Variants in XXYLT1 observed in about 807,000 individuals in gnomAD.
XXYLT1 encodes xyloside xylosyltransferase 1.
XXYLT1 carries 20 observed loss-of-function variants against 28.9 expected under a neutral mutation model. The ratio of observed to expected loss-of-function variants is 0.69; its 90% CI spans 0.49 to 1.00. The LOEUF (loss-of-function observed/expected upper bound fraction) is 1.00. Ranked by LOEUF, XXYLT1 falls within the 50% of genes least tolerant of loss-of-function variation. The pLI is 0.00. For synonymous variants in XXYLT1, 257 were observed against 253.8 expected, an observed-to-expected ratio of 1.01 and a Z score of -0.12; for missense variants, 542 against 560.1, an observed-to-expected ratio of 0.97 and a Z score of 0.33.
At position 195,081,757 on chromosome 3, in the gene XXYLT1, C is replaced by T. The variant is rs941745570; in HGVS notation, c.786-11646G>A. ...AGGAAAGCCACAATGTCAAGTTCAG[C>T]GAGCAGCAGTGCAGATTCTCAATGC... On this transcript the variant is annotated intron_variant, in intron 3 of 3. Coordinates refer to ENST00000310380, the MANE Select transcript of XXYLT1 (RefSeq NM_152531.5). Among the ~76,000 whole-genome samples, 35 of 152,308 alleles carry T rather than the reference C, an allele frequency of 2.3e-4. No homozygotes were observed. In the Middle Eastern group the frequency reaches 0.017, roughly 74 times the overall value.
rs905209648 is a variant in XXYLT1, at chr3:195,270,412, G to A, written c.504+143C>T. On this transcript the variant is annotated intron_variant, in intron 1 of 3. Coordinates refer to ENST00000310380, the MANE Select transcript of XXYLT1 (RefSeq NM_152531.5). ...ACGCCCCCGAACGAGCCCTCCCGCA[G>A]GTTGTGAACACTACATTGCAAGCGG... 8.8e-5 allele frequency: 117 copies of A among 1,333,194 alleles called. No homozygotes were observed. In the East Asian group the frequency reaches 3.5e-3, roughly 40 times the overall value. 82.6% of individuals were successfully genotyped at this position (1,333,194 alleles called of 1,614,324 possible).
At chr3:195,134,460 C>T (rs921981375) in intron 3 of XXYLT1, 2 of 153,854 alleles carry the variant, frequency 1.3e-5, no homozygotes, top group African/African-American at 4.8e-5. Flanking sequence ...CAAATATTTA[C>T]CCCTGTGTTA....
At chr3:195,224,388 C>T (rs1238822536) in intron 2 of XXYLT1, among the ~76,000 whole-genome samples, 1 of 152,168 alleles carries the variant, frequency 6.6e-6, no homozygotes, top group Admixed American at 6.5e-5. Context: ...GACATCACTG[C>T]CCCCCTGAGC....
At chr3:195,172,468 A>G (rs1049051933) in intron 2 of XXYLT1, among the ~76,000 whole-genome samples, 2 of 152,198 alleles carry the variant, frequency 1.3e-5, no homozygotes, top group Admixed American at 1.3e-4. Context: ...GCCAGCAACA[A>G]CACACTGCAA....
chr3:195,190,652 T>G (rs1396591158), intron 2 of XXYLT1, among the ~76,000 whole-genome samples: 2 of 152,088 alleles, frequency 1.3e-5, no homozygotes, highest in Non-Finnish European at 2.9e-5. Flanking sequence ...TTCTCATTTC[T>G]TAACTTTTTA....
chr3:195,140,876 C>T (rs965831755), intron 3 of XXYLT1, among the ~76,000 whole-genome samples: 12 of 152,252 alleles, frequency 7.9e-5, no homozygotes, highest in African/African-American at 2.9e-4. Context: ...ACCATATCAA[C>T]GTCCTAACCT....
intron 3 of XXYLT1, among the ~76,000 whole-genome samples, chr3:195,079,869 G>A (rs981580376): frequency 6.6e-6 from 1 of 152,178 alleles, no homozygotes; most frequent in Admixed American, 6.5e-5. Context: ...GGCAAATAAA[G>A]GGTGAGGGTG....
chr3:195,079,260 G>A (rs1410850182), intron 3 of XXYLT1, among the ~76,000 whole-genome samples: 1 of 152,186 alleles, frequency 6.6e-6, no homozygotes, highest in Non-Finnish European at 1.5e-5. Context: ...TGGCCCTGGG[G>A]AGCGTATGAA....
At position 195,255,099 on chromosome 3, in the gene XXYLT1, A is replaced by G. The variant is rs961808653; in HGVS notation, c.504+15456T>C. ...ACCAGCACTGCGGACAGAGCAGGGG[A>G]TAACAGCAGCATCAGAAAGACCCAT... On this transcript the variant is annotated intron_variant, in intron 1 of 3. Transcript: ENST00000310380. This position sits in a 1 kb window ranked among gnomAD's most constrained non-coding sequence, Gnocchi z 4.5. Among the ~76,000 whole-genome samples the G allele has an allele frequency of 4.6e-5, 7 of 152,326 alleles. No individual in the cohort carries two copies. Among genetic ancestry groups the G allele is most frequent in the Non-Finnish European group, 5.9e-5 (4 of 68,030 alleles).
intron 1 of XXYLT1, among the ~76,000 whole-genome samples, chr3:195,230,336 T>C (rs1314129618): frequency 1.3e-5 from 2 of 152,254 alleles, no homozygotes; most frequent in Admixed American, 6.5e-5. Flanking sequence ...CTCTGGGCTC[T>C]CTCTTCACTT....
chr3:195,225,054 C>G (rs1246459209), intron 2 of XXYLT1, among the ~76,000 whole-genome samples: 1 of 152,216 alleles, frequency 6.6e-6, no homozygotes, highest in African/African-American at 2.4e-5. Context: ...GGAGAAGCAG[C>G]TTCCAACCCT....
intron 1 of XXYLT1, among the ~76,000 whole-genome samples, chr3:195,250,718 C>T (rs1221646516): frequency 6.6e-6 from 1 of 152,134 alleles, no homozygotes; most frequent in Non-Finnish European, 1.5e-5. Flanking sequence ...TTTTATGAAC[C>T]CCTACTTCAC....
intron 2 of XXYLT1, among the ~76,000 whole-genome samples, chr3:195,225,337 TGCAAAGTCCCA>T (rs1724003257): frequency 1.3e-5 from 2 of 152,162 alleles, no homozygotes. Context: ...GGAACTTGCC[TGCAAAGTCCCA>T]GCCAGAATGG....
At chr3:195,229,871 T>A (rs1724225221) in intron 1 of XXYLT1, among the ~76,000 whole-genome samples, 2 of 152,254 alleles carry the variant, frequency 1.3e-5, no homozygotes, top group Admixed American at 6.5e-5. Flanking sequence ...ATGTCTTCGA[T>A]ATACTTAATT....
chr3:195,261,105 C>T (rs1207272597), intron 1 of XXYLT1, among the ~76,000 whole-genome samples: 1 of 152,254 alleles, frequency 6.6e-6, no homozygotes, highest in Non-Finnish European at 1.5e-5. Context: ...CTCAGCCACG[C>T]TCAAGTGAGG....
intron 2 of XXYLT1, among the ~76,000 whole-genome samples, chr3:195,161,981 A>T (rs999364954): frequency 3.0e-4 from 45 of 152,062 alleles, no homozygotes; most frequent in African/African-American, 1.0e-3. Flanking sequence ...CCCAGCACTT[A>T]GGAAGACTGA....
intron 3 of XXYLT1, among the ~76,000 whole-genome samples, chr3:195,071,782 C>A (rs1184738171): frequency 6.6e-6 from 1 of 152,148 alleles, no homozygotes; most frequent in African/African-American, 2.4e-5. Context: ...TTCTACCAGG[C>A]AGACCAGGGC....
rs1206666003 is a variant in XXYLT1, at chr3:195,180,607, C to T, written c.653-24026G>A. 8 of 968,990 alleles carry T rather than the reference C, an allele frequency of 8.3e-6. No individual in the cohort carries two copies. The highest frequency in any genetic ancestry group is 5.3e-5 in the African/African-American group (3 of 56,920). 60.0% of individuals were successfully genotyped at this position (968,990 alleles called of 1,614,324 possible). A position where few individuals can be genotyped will look rare whatever the true frequency, so the allele number is the denominator to read the frequency against. On this transcript the variant is annotated intron_variant, in intron 2 of 3. Coordinates refer to ENST00000310380, the MANE Select transcript of XXYLT1 (RefSeq NM_152531.5). This position sits in a 1 kb window ranked among gnomAD's most constrained non-coding sequence, Gnocchi z 5.8. ...CCCTCTCCAGAGCGTGATGTGGCCC[C>T]GTCTGGCTAAGAGCACCAGACGGCG...
At chr3:195,109,921 GTA>G (rs796967199) in intron 3 of XXYLT1, among the ~76,000 whole-genome samples, 5,094 of 42,246 alleles carry the variant, frequency 0.12, 1,526 homozygotes, top group African/African-American at 0.32. Context: ...GTGTGTGGGG[GTA>G]TATGTGTGTG....
Sources: allele counts gnomAD v4.1 joint callset (sites outside exome capture counted in the v4.1 genomes callset), GRCh38; gene constraint gnomAD v4.1.1; non-coding constraint Gnocchi (gnomAD v3.1); transcripts MANE v1.5; gene names NCBI Gene and HGNC (gene_info 2026-07-23, HGNC 2026-07-21).